The following SH3YL1 variants were observed in gnomAD, a reference collection of about 807,000 sequenced individuals.
SH3YL1 encodes SH3 and SYLF domain containing 1, also known as SH3 domain-containing YSC84-like protein 1.
A neutral mutation model predicts 45.8 loss-of-function variants in SH3YL1; 41 were observed. That is an observed-to-expected ratio of 0.89 (90% confidence interval 0.70 to 1.16). The LOEUF (loss-of-function observed/expected upper bound fraction) is 1.16. SH3YL1 is among the 50% of genes most tolerant of loss of function. The pLI is 0.00. For synonymous variants in SH3YL1, 152 were observed against 151.4 expected (o/e 1.00, Z -0.03); for missense variants, 389 against 409.6 (o/e 0.95, Z 0.43).
intron 9 of SH3YL1, 89 bp from the exon 10 acceptor site, chr2:219,090 G>T: frequency 3.0e-6 from 3 of 1,012,698 alleles, no homozygotes; most frequent in South Asian, 3.9e-5. Flanking sequence ...ACCACTTAGG[G>T]CTTGGCATGC....
Position 229,973 on chromosome 2 carries a change from G to A in SH3YL1, c.774C>T (p.Gly258=), listed in dbSNP as rs1289575953. Residue 258 remains glycine, a synonymous_variant, in exon 8 of 10, where the codon GGC becomes GGT. Transcript: ENST00000356150. ...QSSAPVQLNS[G]SQSNRNEYKL... is the part of the protein sequence containing the mutation. Reference sequence around the variant, plus strand: ...TGCAACAAAAATATTTACTTTGAGAGCCAGAGTTCAGCTGGACTGGTGCAG... The same window carrying A: ...TGCAACAAAAATATTTACTTTGAGAACCAGAGTTCAGCTGGACTGGTGCAG... The A allele has an allele frequency of 6.2e-7, 1 of 1,611,812 alleles. No individual in the cohort carries two copies. The highest frequency in any genetic ancestry group is 8.5e-7 in the Non-Finnish European group (1 of 1,178,348).
rs187906057 is a variant in SH3YL1, at chr2:223,787, G to C, written c.838+1077C>G. 5.9e-4 allele frequency among the ~76,000 whole-genome samples: 90 copies of C among 152,240 alleles called. 1 individual carries two copies. Among genetic ancestry groups the C allele is most frequent in the African/African-American group, 2.1e-3 (86 of 41,546 alleles). The stretch of plus-strand genomic sequence containing the variant: ...CCATGGCACAGCATCTTCTGTAGGT[G>C]AGCCCCCGACCATCGCACCTGCTCT... On this transcript the variant is annotated intron_variant, in intron 9 of 9. Coordinates refer to ENST00000356150, the MANE Select transcript of SH3YL1 (RefSeq NM_015677.4).
At chr2:241,265 AG>A (rs1158538955) in intron 4 of SH3YL1, 1 of 152,190 alleles carries the variant, frequency 6.6e-6, no homozygotes, top group Non-Finnish European at 1.5e-5. Flanking sequence ...AAGTACATTA[AG>A]CAACATGAAC....
At chr2:243,251 G>T (rs1414409042) in intron 4 of SH3YL1, among the ~76,000 whole-genome samples, 1 of 152,112 alleles carries the variant, frequency 6.6e-6, no homozygotes, top group Non-Finnish European at 1.5e-5. Context: ...ATGGAACATT[G>T]TACAGGACAA....
intron 1 of SH3YL1, chr2:263,552 G>A: frequency 1.2e-5 from 2 of 169,160 alleles, no homozygotes; most frequent in Non-Finnish European, 1.3e-5. Flanking sequence ...TGGGGGGCTG[G>A]CAAACTCGAA....
At chr2:246,873 G>C (rs549926146) in intron 4 of SH3YL1, among the ~76,000 whole-genome samples, 292 of 152,140 alleles carry the variant, frequency 1.9e-3, no homozygotes, top group Non-Finnish European at 3.3e-3. Context: ...ATGTCAACAG[G>C]GCAAATCTAC....
chr2:256,401 A>G (rs1370018634), intron 1 of SH3YL1: 1 of 152,210 alleles, frequency 6.6e-6, no homozygotes, highest in Non-Finnish European at 1.5e-5. Flanking sequence ...TTGTAAAAAA[A>G]TGTTTTATGG....
intron 4 of SH3YL1, chr2:243,011 G>T (rs549893954): frequency 6.3e-4 from 342 of 541,260 alleles, no homozygotes; most frequent in Admixed American, 1.5e-3. Flanking sequence ...TAATATCGGA[G>T]ACCCAAATAC....
intron 3 of SH3YL1, 125 bp downstream of exon 3, chr2:249,606 C>CT: frequency 2.9e-6 from 2 of 688,136 alleles, no homozygotes; most frequent in Non-Finnish European, 5.0e-6. Context: ...TCGAGTAGCC[C>CT]TTATTACATA....
At position 230,049 on chromosome 2, in the gene SH3YL1, G is replaced by A. The variant is rs766649140; in HGVS notation, c.703-5C>T. On this transcript the variant is annotated splice_polypyrimidine_tract_variant and splice_region_variant and intron_variant, in intron 7 of 9. Coordinates refer to ENST00000356150, the MANE Select transcript of SH3YL1 (RefSeq NM_015677.4). ...CTTTGGAGGTAATTCTTTAGCCTGG[G>A]AGAAACAAAAAGATAAATACACATA... is the stretch of plus-strand genomic sequence containing the variant. The A allele has an allele frequency of 1.3e-6, 2 of 1,592,166 alleles. No homozygotes were observed. The highest frequency in any genetic ancestry group is 1.7e-6 in the Non-Finnish European group (2 of 1,169,648).
chr2:230,170 C>T lies in SH3YL1; in HGVS notation c.703-126G>A, dbSNP rs1289281293. The T allele has an allele frequency of 7.9e-6, 5 of 635,908 alleles. No homozygotes were observed. The African/African-American group carries it at 9.2e-5, about 12-fold the overall frequency. The allele number at this position is 635,908 out of a possible 1,614,324, so 39.4% of individuals were successfully genotyped here. A position where few individuals can be genotyped will look rare whatever the true frequency, so the allele number is the denominator to read the frequency against. ...CATGTGTGCTTATTAATGTGGCACT[C>T]TCAAAGCTCACATGCACCCCTCTGG... On this transcript the variant is annotated intron_variant, in intron 7 of 9. Coordinates refer to ENST00000356150, the MANE Select transcript of SH3YL1 (RefSeq NM_015677.4).
At chr2:225,437 T>C (rs72772885) in intron 8 of SH3YL1, among the ~76,000 whole-genome samples, 11,152 of 152,272 alleles carry the variant, frequency 0.073, 511 homozygotes, top group African/African-American at 0.12. Context: ...TTGCACATCA[T>C]GTTCAGCTTT....
chr2:223,263 T>A (rs920715762), intron 9 of SH3YL1, among the ~76,000 whole-genome samples: 2 of 152,134 alleles, frequency 1.3e-5, no homozygotes, highest in Non-Finnish European at 2.9e-5. Flanking sequence ...TCAGGAAACG[T>A]TTTTCCTTGG....
intron 8 of SH3YL1, among the ~76,000 whole-genome samples, chr2:229,500 C>T (rs1054677846): frequency 1.3e-3 from 190 of 151,930 alleles, no homozygotes; most frequent in African/African-American, 3.8e-3. Flanking sequence ...GAGGCCGAGG[C>T]GGGCAGATCA....
intron 4 of SH3YL1, chr2:241,966 T>C (rs1312251436): frequency 2.0e-5 from 3 of 152,120 alleles, no homozygotes; most frequent in Non-Finnish European, 2.9e-5. Context: ...ATCCACACTT[T>C]AAAAAATCAC....
rs1667460964 is a variant in SH3YL1 at position 218,855 on chromosome 2, C to T, written c.985G>A (p.Gly329Ser). The change falls in exon 10 of 10, where the codon GGT (glycine) becomes AGT (serine). Residue 329 changes from glycine (G) to serine (S), a missense_variant. By Grantham distance (56) the Gly-to-Ser change is moderately conservative. Transcript: ENST00000356150. ...TTGGCTGGAAAAATGCCAGTTTGAC[C>T]TCGAAGTTTTCCTTCCCACCAATCA... ...HFDWWEGKLR[G>S]QTGIFPANYV... 4 of 1,613,738 alleles carry T rather than the reference C, an allele frequency of 2.5e-6. No individual in the cohort carries two copies. Among genetic ancestry groups the T allele is most frequent in the Middle Eastern group, 1.6e-4 (1 of 6,062 alleles).
chr2:257,907 T>C (rs187267624), intron 1 of SH3YL1, among the ~76,000 whole-genome samples: 121 of 152,300 alleles, frequency 7.9e-4, no homozygotes, highest in African/African-American at 2.6e-3. Flanking sequence ...TTATTGAATA[T>C]GGAGTCCTTT....
At position 222,164 on chromosome 2, in the gene SH3YL1, T is replaced by C. The variant is rs77756300; in HGVS notation, c.838+2700A>G. 5.0e-3 allele frequency among the ~76,000 whole-genome samples: 768 copies of C among 152,286 alleles called. 6 individuals are homozygous for C. The highest frequency in any genetic ancestry group is 0.017 in the African/African-American group (720 of 41,554). On this transcript the variant is annotated intron_variant, in intron 9 of 9. Coordinates refer to ENST00000356150, the MANE Select transcript of SH3YL1 (RefSeq NM_015677.4). ...AAAATCGGAAGGATCTTTGAGGGAA[T>C]TGGCCATTTCCTTTATAATATTCAA...
chr2:249,797 T>C lies in SH3YL1; in HGVS notation c.160A>G (p.Lys54Glu), dbSNP rs1668997025. 1.3e-6 allele frequency: 2 copies of C among 1,552,076 alleles called. No individual in the cohort carries two copies. Among genetic ancestry groups the C allele is most frequent in the Admixed American group, 2.0e-5 (1 of 51,010 alleles). The change falls in exon 3 of 10, where the codon AAA becomes GAA. Residue 54 changes from lysine (K) to glutamate (E), a missense_variant. By Grantham distance (56) the Lys-to-Glu change is moderately conservative. Transcript: ENST00000356150. Reference sequence around the variant, plus strand: ...CTGGCAGTCACCAGGAACCCGGCTTTGATCACAGACAGAATTGCAAGGCCT... The same window carrying C: ...CTGGCAGTCACCAGGAACCCGGCTTCGATCACAGACAGAATTGCAAGGCCT... ...AKGLAILSVI[K>E]AGFLVTARGG...
Sources: gnomAD v4.1 joint callset for allele counts (sites outside exome capture counted in the v4.1 genomes callset) on GRCh38, gnomAD v4.1.1 for gene constraint, MANE v1.5 for transcripts, NCBI Gene and HGNC (gene_info 2026-07-23, HGNC 2026-07-21) for gene names.